SNTG2: variants seen among roughly 807,000 people sequenced by gnomAD.
The protein encoded by SNTG2 is gamma-2-syntrophin.
Under a neutral mutation model 70.9 loss-of-function variants are expected in SNTG2, and 74 were observed. That is an observed-to-expected ratio of 1.04 (90% CI 0.86 to 1.27). SNTG2 has a LOEUF of 1.27. Ranked by LOEUF, SNTG2 falls within the 50% of genes most tolerant of loss-of-function variation. SNTG2 has a pLI of 0.00. For missense variants in SNTG2, 717 were observed against 690.7 expected, an observed-to-expected ratio of 1.04 and a Z score of -0.43; for synonymous variants, 278 against 273.8, an observed-to-expected ratio of 1.02 and a Z score of -0.15.
chr2:1,057,301 T>C (rs1662527601), intron 1 of SNTG2, among the ~76,000 whole-genome samples: 1 of 152,146 alleles, frequency 6.6e-6, no homozygotes, highest in Non-Finnish European at 1.5e-5. Flanking sequence ...CCTGATTCTC[T>C]TCTGTATGCC....
chr2:1,053,578 T>A (rs535983921), intron 1 of SNTG2, among the ~76,000 whole-genome samples: 1 of 151,388 alleles, frequency 6.6e-6, no homozygotes, highest in African/African-American at 2.4e-5. Flanking sequence ...TATGCCTTTT[T>A]ATTGTTTTCC....
chr2:1,155,328 TACACATATGC>T (rs1467434642), intron 6 of SNTG2, among the ~76,000 whole-genome samples: 1 of 147,686 alleles, frequency 6.8e-6, no homozygotes, highest in East Asian at 2.1e-4. Context: ...CACATGCATA[TACACATATGC>T]ACACCACACA....
chr2:1,255,616 G>A (rs775002778), intron 12 of SNTG2, among the ~76,000 whole-genome samples: 2 of 151,752 alleles, frequency 1.3e-5, no homozygotes, highest in Admixed American at 1.3e-4. Flanking sequence ...TGGATGGGGC[G>A]CAGGAATCTG....
chr2:982,254 C>T lies in SNTG2; in HGVS notation c.72+31186C>T, dbSNP rs1305117750. On this transcript the variant is annotated intron_variant, in intron 1 of 16. Transcript: ENST00000308624. ...TAATGATGCAAAAACTTGCAGTGTC[C>T]TTCACAGTGTATACATTGTTTTAAT... Among the ~76,000 whole-genome samples the T allele has an allele frequency of 2.6e-5, 4 of 152,212 alleles. No individual in the cohort carries two copies. In the East Asian group the frequency reaches 7.7e-4, roughly 29 times the overall value.
Position 1,365,272 on chromosome 2 carries a change from A to G in SNTG2, c.1489-2071A>G, listed in dbSNP as rs989660093. On this transcript the variant is annotated intron_variant, in intron 16 of 16. Coordinates refer to ENST00000308624, the MANE Select transcript of SNTG2 (RefSeq NM_018968.4). Reference sequence around the variant, plus strand: ...TGGTTACCAAGTGTAATGACGCTTTATGAAACTACCTAAAGACTATGAAGC... The same window carrying G: ...TGGTTACCAAGTGTAATGACGCTTTGTGAAACTACCTAAAGACTATGAAGC... 2.0e-5 allele frequency among the ~76,000 whole-genome samples: 3 copies of G among 152,368 alleles called. 1 individual carries two copies. The highest frequency in any genetic ancestry group is 7.2e-5 in the African/African-American group (3 of 41,588).
Position 950,893 on chromosome 2 carries a change from C to T in SNTG2, c.-104C>T, listed in dbSNP as rs1659929053. 2 of 423,160 alleles carry T rather than the reference C, an allele frequency of 4.7e-6. No homozygotes were observed. Among genetic ancestry groups the T allele is most frequent in the Admixed American group, 5.2e-5 (1 of 19,150 alleles). 26.2% of individuals were successfully genotyped at this position (423,160 alleles called of 1,614,324 possible). A position where few individuals can be genotyped will look rare whatever the true frequency, so the allele number is the denominator to read the frequency against. On this transcript the variant is annotated 5_prime_UTR_variant, in exon 1 of 17. Transcript: ENST00000308624. ...GCCCGAGCCGGAGCCGGCAGAGGGG[C>T]GCGGGCGCGGACGCGGCGCCTGGCG...
intron 1 of SNTG2, among the ~76,000 whole-genome samples, chr2:1,033,911 G>A (rs1660983360): frequency 6.6e-6 from 1 of 152,004 alleles, no homozygotes; most frequent in Non-Finnish European, 1.5e-5. Context: ...AAATGAATGT[G>A]TTAAGTATAG....
intron 1 of SNTG2, among the ~76,000 whole-genome samples, chr2:974,714 C>T (rs964266542): frequency 6.6e-6 from 1 of 152,146 alleles, no homozygotes; most frequent in African/African-American, 2.4e-5. Flanking sequence ...CTCTGCCAAT[C>T]GTGAAGTCTT....
At chr2:1,324,838 A>T (rs1468291408) in intron 16 of SNTG2, among the ~76,000 whole-genome samples, 1 of 152,244 alleles carries the variant, frequency 6.6e-6, no homozygotes, top group Non-Finnish European at 1.5e-5. Context: ...GGAATTTCAG[A>T]TTAGACTCTT....
At chr2:1,183,533 T>C (rs1328562389) in intron 8 of SNTG2, among the ~76,000 whole-genome samples, 2 of 152,208 alleles carry the variant, frequency 1.3e-5, no homozygotes, top group Non-Finnish European at 2.9e-5. Context: ...CCTTCACCAG[T>C]AAGGCTGGAC....
intron 7 of SNTG2, among the ~76,000 whole-genome samples, chr2:1,167,953 C>G (rs28658395): frequency 5.5e-4 from 56 of 101,896 alleles, no homozygotes; most frequent in South Asian, 1.6e-3. Flanking sequence ...CTGAAGCCTA[C>G]AAGCCGCCCA....
intron 4 of SNTG2, among the ~76,000 whole-genome samples, chr2:1,099,883 T>G (rs887922544): frequency 1.3e-5 from 2 of 152,120 alleles, no homozygotes; most frequent in East Asian, 3.9e-4. Flanking sequence ...CATTTAAGAG[T>G]CAGGTCAGCA....
chr2:1,057,052 C>A (rs1225586522), intron 1 of SNTG2, among the ~76,000 whole-genome samples: 1 of 151,750 alleles, frequency 6.6e-6, no homozygotes, highest in Middle Eastern at 3.4e-3. Context: ...CCGCTTCCTC[C>A]AGGACCTGTG....
At chr2:1,143,789 C>T (rs1424389310) in intron 6 of SNTG2, among the ~76,000 whole-genome samples, 1 of 144,064 alleles carries the variant, frequency 6.9e-6, no homozygotes, top group East Asian at 2.3e-4. Flanking sequence ...AGGAGAATTG[C>T]TTGAGCCCGG....
At position 1,316,338 on chromosome 2, in the gene SNTG2, T is replaced by A. The variant is rs1022606443; in HGVS notation, c.1451T>A (p.Leu484Gln). The change falls in exon 16 of 17, where the codon CTG becomes CAG. Residue 484 changes from leucine (L) to glutamine (Q), a missense_variant. Physicochemically the swap from Leu to Gln is moderately radical, Grantham distance 113. Transcript: ENST00000308624. ...SDDGKTRVKLLFQNLDTKQIE... is the reference protein window; with the variant it reads ...SDDGKTRVKLQFQNLDTKQIE... ...GATGGGAAAACTCGAGTAAAGCTGC[T>A]GTTTCAGAATCTGGACACCAAACAG... is the stretch of plus-strand genomic sequence containing the variant. The A allele has an allele frequency of 3.2e-6, 5 of 1,550,220 alleles. No individual in the cohort carries two copies. The highest frequency in any genetic ancestry group is 4.4e-6 in the Non-Finnish European group (5 of 1,145,874).
chr2:1,160,963 G>T, intron 6 of SNTG2: 1 of 152,250 alleles, frequency 6.6e-6, no homozygotes, highest in East Asian at 1.9e-4. Context: ...TTTTACAGGT[G>T]TTGGGAGATT....
intron 16 of SNTG2, among the ~76,000 whole-genome samples, chr2:1,357,562 C>A (rs1251958279): frequency 2.0e-5 from 3 of 152,240 alleles, no homozygotes; most frequent in African/African-American, 7.2e-5. Flanking sequence ...CTGTCCTCTT[C>A]AGTTTTTGAA....
intron 9 of SNTG2, among the ~76,000 whole-genome samples, chr2:1,224,749 T>C (rs1438202246): frequency 5.9e-5 from 9 of 151,560 alleles, no homozygotes; most frequent in South Asian, 2.1e-4. Context: ...CTGGACTGGG[T>C]CCAGTCTGCA....
rs1660807963 is a variant in SNTG2 at position 1,031,422 on chromosome 2, C to T, written c.73-52096C>T. The stretch of plus-strand genomic sequence containing the variant: ...ATGTGCTTTAATTGACATGAATAGA[C>T]TTATAGTCTCATATGGTTTCTCATG... On this transcript the variant is annotated intron_variant, in intron 1 of 16. Transcript: ENST00000308624. Among the ~76,000 whole-genome samples the T allele has an allele frequency of 2.0e-5, 3 of 148,652 alleles. No homozygotes were observed. The South Asian group carries it at 6.4e-4, about 32-fold the overall frequency.
Sources: allele counts gnomAD v4.1 joint callset (sites outside exome capture counted in the v4.1 genomes callset), GRCh38; gene constraint gnomAD v4.1.1; transcripts MANE v1.5; gene names NCBI Gene and HGNC (gene_info 2026-07-23, HGNC 2026-07-21).